The following MAP2K4 variants were observed in gnomAD, a reference collection of about 807,000 sequenced individuals.
MAP2K4 encodes dual specificity mitogen-activated protein kinase kinase 4.
Under a neutral mutation model 48.5 loss-of-function variants are expected in MAP2K4, and 4 were observed. The ratio of observed to expected loss-of-function variants is 0.08; its 90% confidence interval spans 0.04 to 0.19. The LOEUF is 0.19. Among genes scored for constraint, MAP2K4 ranks in the 10% least tolerant of loss-of-function variants. MAP2K4 has a pLI of 1.00. For missense variants in MAP2K4, 258 were observed against 493.3 expected, an observed-to-expected ratio of 0.52 and a Z score of 4.52; for synonymous variants, 166 against 173.1, an observed-to-expected ratio of 0.96 and a Z score of 0.32.
intron 4 of MAP2K4, among the ~76,000 whole-genome samples, chr17:12,096,500 A>C (rs1160414824): frequency 6.6e-6 from 1 of 152,210 alleles, no homozygotes; most frequent in Non-Finnish European, 1.5e-5. Context: ...TGTGATACTT[A>C]GTTGAGTAGG....
At chr17:12,056,948 A>G (rs1378929545) in intron 2 of MAP2K4, among the ~76,000 whole-genome samples, 1 of 152,162 alleles carries the variant, frequency 6.6e-6, no homozygotes. Flanking sequence ...TAATAATTAC[A>G]GATGTGAATA....
chr17:12,077,151 C>A (rs1018144031), intron 2 of MAP2K4, among the ~76,000 whole-genome samples: 1 of 152,044 alleles, frequency 6.6e-6, no homozygotes, highest in Admixed American at 6.5e-5. Flanking sequence ...TAGAAATGAC[C>A]CCTGAAAGTA....
intron 2 of MAP2K4, among the ~76,000 whole-genome samples, chr17:12,060,725 T>C (rs1056157865): frequency 1.4e-5 from 2 of 139,020 alleles, no homozygotes; most frequent in African/African-American, 5.0e-5. Flanking sequence ...TTAAATACTA[T>C]GGGGTGTGTG....
At chr17:12,082,613 G>A (rs1971229347) in intron 3 of MAP2K4, among the ~76,000 whole-genome samples, 1 of 152,078 alleles carries the variant, frequency 6.6e-6, no homozygotes, top group African/African-American at 2.4e-5. Context: ...AAACCTTACT[G>A]TAACTATTTT....
At position 12,108,089 on chromosome 17, in the gene MAP2K4, C is replaced by T. The variant is rs4792218; in HGVS notation, c.633+180C>T. ...TTAACACAATAGGTCATAATGGTCT[C>T]GATAAATACTGCCAATGTTCTTTCC... On this transcript the variant is annotated intron_variant, in intron 5 of 10. Transcript: ENST00000353533. Among the ~76,000 whole-genome samples, 1,292 of 152,174 alleles carry T rather than the reference C, an allele frequency of 8.5e-3. 23 individuals carry two copies. Among genetic ancestry groups the T allele is most frequent in the African/African-American group, 0.03 (1,231 of 41,526 alleles).
At chr17:12,078,558 T>C (rs1971085493) in intron 2 of MAP2K4, among the ~76,000 whole-genome samples, 1 of 152,164 alleles carries the variant, frequency 6.6e-6, no homozygotes, top group South Asian at 2.1e-4. Context: ...TAAAATATAG[T>C]CCCCATTCTG....
chr17:12,122,383 A>G (rs1972721565), intron 7 of MAP2K4, among the ~76,000 whole-genome samples: 2 of 152,226 alleles, frequency 1.3e-5, no homozygotes, highest in Admixed American at 1.3e-4. Context: ...CCTTTCAGGC[A>G]TGTCCTTAAC....
At position 12,038,462 on chromosome 17, in the gene MAP2K4, G is replaced by C. The variant is rs75317249; in HGVS notation, c.116-16427G>C. Among the ~76,000 whole-genome samples, 33 of 152,220 alleles carry C rather than the reference G, an allele frequency of 2.2e-4. No individual in the cohort carries two copies. In the East Asian group the frequency reaches 6.0e-3, roughly 28 times the overall value. On this transcript the variant is annotated intron_variant, in intron 1 of 10. Coordinates refer to ENST00000353533, the MANE Select transcript of MAP2K4 (RefSeq NM_003010.4). ...CTCCCCTTTAGAGAAGCTCTTACAA[G>C]GATAAGGAAAGAGAGGTACAAATGT...
intron 1 of MAP2K4, among the ~76,000 whole-genome samples, chr17:12,023,307 T>C (rs1421336272): frequency 6.6e-6 from 1 of 152,158 alleles, no homozygotes; most frequent in Non-Finnish European, 1.5e-5. Context: ...ATCTTAATTG[T>C]GAGGCCCTTG....
chr17:12,083,857 CTT>C (rs1361295321), intron 3 of MAP2K4, among the ~76,000 whole-genome samples: 1 of 152,130 alleles, frequency 6.6e-6, no homozygotes. Flanking sequence ...TGATTTGAGA[CTT>C]TACGGTTTTA....
intron 3 of MAP2K4, among the ~76,000 whole-genome samples, chr17:12,086,961 C>T (rs907270013): frequency 5.3e-5 from 8 of 152,154 alleles, no homozygotes; most frequent in Non-Finnish European, 7.3e-5. Context: ...ATTCTCCTGC[C>T]TCAGCCTCCC....
chr17:12,138,645 G>T (rs957940410), intron 9 of MAP2K4, among the ~76,000 whole-genome samples: 1 of 152,138 alleles, frequency 6.6e-6, no homozygotes, highest in Non-Finnish European at 1.5e-5. Context: ...AAGAAGAGAA[G>T]TTAACCCAGA....
In MAP2K4 at chr17:12,081,776, A is replaced by G; in HGVS notation, c.393+246A>G. The G allele has an allele frequency of 1.9e-6, 1 of 527,228 alleles. No homozygotes were observed. The allele number at this position is 527,228 out of a possible 1,614,324, so 32.7% of individuals were successfully genotyped here. A position where few individuals can be genotyped will look rare whatever the true frequency, so the allele number is the denominator to read the frequency against. ...TGCATTTTTGGCATGATGCATTAACATGTTTTAAACTTCAGGCCCTTCTAC... is the reference window on the plus strand; with the variant it reads ...TGCATTTTTGGCATGATGCATTAACGTGTTTTAAACTTCAGGCCCTTCTAC... On this transcript the variant is annotated intron_variant, in intron 3 of 10. Coordinates refer to ENST00000353533, the MANE Select transcript of MAP2K4 (RefSeq NM_003010.4). The surrounding 1 kb of genome is among the most constrained non-coding windows in gnomAD (Gnocchi z 4.2).
At chr17:12,094,836 GC>G (rs1971681156) in intron 3 of MAP2K4, among the ~76,000 whole-genome samples, 1 of 152,068 alleles carries the variant, frequency 6.6e-6, no homozygotes, top group African/African-American at 2.4e-5. Flanking sequence ...ATGGAGGAGC[GC>G]TTTAGCACCT....
intron 1 of MAP2K4, among the ~76,000 whole-genome samples, chr17:12,045,093 T>C (rs1969919491): frequency 6.6e-6 from 1 of 152,232 alleles, no homozygotes; most frequent in South Asian, 2.1e-4. Context: ...TGGATCCCCT[T>C]AGCCCTGTGG....
chr17:12,052,925 A>G (rs1970185579), intron 1 of MAP2K4, among the ~76,000 whole-genome samples: 1 of 149,982 alleles, frequency 6.7e-6, no homozygotes, highest in Non-Finnish European at 1.5e-5. Flanking sequence ...TGTGCAAAAT[A>G]CATTTACCCT....
At chr17:12,043,220 G>T (rs905488651) in intron 1 of MAP2K4, among the ~76,000 whole-genome samples, 1 of 152,022 alleles carries the variant, frequency 6.6e-6, no homozygotes, top group Admixed American at 6.5e-5. Flanking sequence ...AATTCACTTG[G>T]AATTTGTTTT....
chr17:12,078,525 A>T (rs1355681249), intron 2 of MAP2K4, among the ~76,000 whole-genome samples: 1 of 152,158 alleles, frequency 6.6e-6, no homozygotes, highest in Non-Finnish European at 1.5e-5. Context: ...AAACAATCCA[A>T]TTGTACTAGG....
At chr17:12,137,857 C>T (rs1973252984) in intron 9 of MAP2K4, among the ~76,000 whole-genome samples, 1 of 151,788 alleles carries the variant, frequency 6.6e-6, no homozygotes, top group African/African-American at 2.4e-5. Flanking sequence ...AGTTTTGCTT[C>T]AGTGCATAAA....
Sources: gnomAD v4.1 joint callset for allele counts (sites outside exome capture counted in the v4.1 genomes callset) on GRCh38, gnomAD v4.1.1 for gene constraint, Gnocchi (gnomAD v3.1) non-coding constraint, MANE v1.5 for transcripts, NCBI Gene and HGNC (gene_info 2026-07-23, HGNC 2026-07-21) for gene names.